The following PDE1C variants were observed in gnomAD, a reference collection of about 807,000 sequenced individuals.
PDE1C encodes the protein dual specificity calcium/calmodulin-dependent 3',5'-cyclic nucleotide phosphodiesterase 1C.
PDE1C carries 62 observed loss-of-function variants against 93.1 expected under a neutral mutation model. The ratio of observed to expected loss-of-function variants is 0.67; its 90% CI spans 0.54 to 0.82. The LOEUF is 0.82. Among genes scored for constraint, PDE1C ranks in the 40% least tolerant of loss-of-function variants. The pLI, the probability that PDE1C is intolerant of heterozygous loss-of-function variation, is 0.00. For synonymous variants in PDE1C, 325 were observed against 310.1 expected, an observed-to-expected ratio of 1.05 and a Z score of -0.50; for missense variants, 742 against 884.6, an observed-to-expected ratio of 0.84 and a Z score of 2.04.
chr7:31,640,556 C>T, the PDE1C span, among the ~76,000 whole-genome samples: 111 of 152,332 alleles, frequency 7.3e-4, no homozygotes, highest in African/African-American at 2.5e-3. Context: ...AAGCGCTAAG[C>T]TGGGTAACTA....
At chr7:32,156,414 T>C (rs1455365657) in intron 3 of PDE1C, among the ~76,000 whole-genome samples, 1 of 152,146 alleles carries the variant, frequency 6.6e-6, no homozygotes, top group Non-Finnish European at 1.5e-5. Context: ...CCGTTGGCCA[T>C]TCACATCACC....
At position 32,083,666 on chromosome 7, in the gene PDE1C, T is replaced by C. The variant is rs1054116678; in HGVS notation, c.308+86119A>G. Reference sequence around the variant, plus strand: ...ACAGCAGATCTCTCTGCAGAATCTCTACAAGCCAGAAGAGAGTGGGGTCCA... The same window carrying C: ...ACAGCAGATCTCTCTGCAGAATCTCCACAAGCCAGAAGAGAGTGGGGTCCA... On this transcript the variant is annotated intron_variant, in intron 3 of 18. Transcript: ENST00000396193. Among the ~76,000 whole-genome samples the C allele has an allele frequency of 1.3e-4, 20 of 152,318 alleles. No individual in the cohort carries two copies. The South Asian group carries it at 1.5e-3, about 11-fold the overall frequency.
intron 3 of PDE1C, among the ~76,000 whole-genome samples, chr7:32,147,444 T>G (rs1238300799): frequency 6.6e-6 from 1 of 152,218 alleles, no homozygotes; most frequent in Non-Finnish European, 1.5e-5. Flanking sequence ...ACTATTTGAA[T>G]TTTTAATCAC....
chr7:32,058,539 T>C (rs539531261), intron 1 of PDE1C, among the ~76,000 whole-genome samples: 4 of 152,336 alleles, frequency 2.6e-5, no homozygotes, highest in East Asian at 3.9e-4. Flanking sequence ...TTGGAAAGAA[T>C]TGGATATCTC....
intron 7 of PDE1C, among the ~76,000 whole-genome samples, chr7:31,859,013 T>A (rs1032574851): frequency 2.6e-5 from 4 of 151,086 alleles, no homozygotes; most frequent in African/African-American, 9.7e-5. Flanking sequence ...TGAAAAAAAA[T>A]TTTAACTGTT....
chr7:32,077,204 C>T (rs7782104), intron 3 of PDE1C, among the ~76,000 whole-genome samples: 10,893 of 152,244 alleles, frequency 0.072, 416 homozygotes, highest in African/African-American at 0.084. Context: ...TATGCCACTG[C>T]ACTCCAGCCT....
At chr7:31,692,325 A>G in the PDE1C span, 2 of 841,820 alleles carry the variant, frequency 2.4e-6, no homozygotes, top group South Asian at 1.8e-5. Context: ...CAGGTGCTCA[A>G]CAAATATATT....
intron 15 of PDE1C, among the ~76,000 whole-genome samples, chr7:31,809,969 A>G (rs905887386): frequency 6.6e-6 from 1 of 151,982 alleles, no homozygotes; most frequent in Non-Finnish European, 1.5e-5. Context: ...TGGCAAATAC[A>G]TTTTCTTGAA....
intron 3 of PDE1C, among the ~76,000 whole-genome samples, chr7:32,152,992 T>C (rs1184233169): frequency 6.6e-6 from 1 of 152,148 alleles, no homozygotes; most frequent in Non-Finnish European, 1.5e-5. Context: ...GCATATTATT[T>C]TTATGGCAAA....
chr7:32,109,563 A>T (rs1357274258), intron 3 of PDE1C, among the ~76,000 whole-genome samples: 1 of 152,102 alleles, frequency 6.6e-6, no homozygotes, highest in African/African-American at 2.4e-5. Flanking sequence ...TGCCAGTAGT[A>T]ACTCCCCAGT....
At chr7:32,121,399 G>A (rs572654234) in intron 3 of PDE1C, among the ~76,000 whole-genome samples, 2 of 152,128 alleles carry the variant, frequency 1.3e-5, no homozygotes, top group East Asian at 1.9e-4. Context: ...GATACTCCAT[G>A]AGAAGATCAA....
chr7:31,633,202 C>T, the PDE1C span, among the ~76,000 whole-genome samples: 3 of 152,022 alleles, frequency 2.0e-5, no homozygotes, highest in East Asian at 1.9e-4. Flanking sequence ...GGGAGATTTA[C>T]GCTGAGGAGA....
chr7:31,708,683 G>T, the PDE1C span, among the ~76,000 whole-genome samples: 1 of 152,194 alleles, frequency 6.6e-6, no homozygotes, highest in African/African-American at 2.4e-5. Context: ...AATATCTCAA[G>T]ACCTGTCAAT....
At chr7:32,406,202 G>T (rs1056655249) in intron 1 of PDE1C, among the ~76,000 whole-genome samples, 2 of 152,100 alleles carry the variant, frequency 1.3e-5, no homozygotes, top group African/African-American at 4.8e-5. Context: ...GCACCATCAG[G>T]CTCCTTCTGG....
chr7:31,770,516 T>G (rs1382929525), intron 17 of PDE1C, among the ~76,000 whole-genome samples: 1 of 152,188 alleles, frequency 6.6e-6, no homozygotes, highest in African/African-American at 2.4e-5. Context: ...TTTATTTTAT[T>G]TTTTTTCTTT....
At chr7:32,025,263 G>T (rs1406840350) in intron 2 of PDE1C, among the ~76,000 whole-genome samples, 2 of 152,038 alleles carry the variant, frequency 1.3e-5, no homozygotes, top group Non-Finnish European at 2.9e-5. Flanking sequence ...TGTTTGGCAG[G>T]CTCCAAAAAG....
intron 2 of PDE1C, among the ~76,000 whole-genome samples, chr7:31,932,716 T>C (rs921558814): frequency 2.0e-5 from 3 of 152,156 alleles, no homozygotes; most frequent in African/African-American, 7.2e-5. Context: ...CATTACTGGG[T>C]ATATGCCCAA....
At chr7:32,175,805 G>A (rs921516372) in intron 2 of PDE1C, among the ~76,000 whole-genome samples, 1 of 152,094 alleles carries the variant, frequency 6.6e-6, no homozygotes, top group Non-Finnish European at 1.5e-5. Context: ...TCACTATCTT[G>A]GAACTACTTT....
chr7:31,641,573 A>G, the PDE1C span, among the ~76,000 whole-genome samples: 1 of 152,168 alleles, frequency 6.6e-6, no homozygotes, highest in African/African-American at 2.4e-5. Context: ...GTAAGAATCT[A>G]CAGATAGATT....
Sources: gnomAD v4.1 joint callset for allele counts (sites outside exome capture counted in the v4.1 genomes callset) on GRCh38, gnomAD v4.1.1 for gene constraint, MANE v1.5 for transcripts, NCBI Gene and HGNC (gene_info 2026-07-23, HGNC 2026-07-21) for gene names.